Variants in SENP6 observed in about 807,000 individuals in gnomAD.
SENP6 encodes the protein sentrin-specific protease 6.
A neutral mutation model predicts 134.5 loss-of-function variants in SENP6; 41 were observed. The observed-to-expected ratio is 0.30, with a 90% CI of 0.24 to 0.40. SENP6 has a LOEUF of 0.40. SENP6 is among the 10% of genes least tolerant of loss of function. The pLI, the probability that SENP6 is intolerant of heterozygous loss-of-function variation, is 1.00. For missense variants in SENP6, 1,248 were observed against 1,312.5 expected (o/e 0.95, Z 0.76); for synonymous variants, 395 against 429.8 (o/e 0.92, Z 1.00).
At chr6:75,623,278 G>A (rs1768413270) in intron 2 of SENP6, among the ~76,000 whole-genome samples, 1 of 152,058 alleles carries the variant, frequency 6.6e-6, no homozygotes, top group South Asian at 2.1e-4. Flanking sequence ...GTACTATTTG[G>A]TTCATCATGA....
At chr6:75,687,937 TCAGA>T (rs1225308745) in intron 16 of SENP6, among the ~76,000 whole-genome samples, 3 of 150,168 alleles carry the variant, frequency 2.0e-5, no homozygotes, top group Admixed American at 6.6e-5. Context: ...TTCAGAGCTA[TCAGA>T]CAGGGATGTT....
At position 75,716,568 on chromosome 6, in the gene SENP6, A is replaced by G. The variant is rs1017553562; in HGVS notation, c.*974A>G. 2 of 151,958 alleles carry G rather than the reference A, an allele frequency of 1.3e-5. No homozygotes were observed. The highest frequency in any genetic ancestry group is 2.4e-5 in the African/African-American group (1 of 41,434). The allele number at this position is 151,958 out of a possible 1,614,324, so 9.4% of individuals were successfully genotyped here. A position where few individuals can be genotyped will look rare whatever the true frequency, so the allele number is the denominator to read the frequency against. On this transcript the variant is annotated 3_prime_UTR_variant, in exon 24 of 24. Transcript: ENST00000447266. The stretch of plus-strand genomic sequence containing the variant: ...TCAGTGTAAATTATTTTTTACATGT[A>G]AAAGTACTGTATTCAACCAGTTGCA...
At chr6:75,688,644 A>G (rs2149888893) in intron 16 of SENP6, among the ~76,000 whole-genome samples, 2 of 152,222 alleles carry the variant, frequency 1.3e-5, no homozygotes, top group East Asian at 3.9e-4. Context: ...AGCTGACCAG[A>G]CACAGTGGCT....
intron 1 of SENP6, chr6:75,620,587 T>C (rs1768196129): frequency 6.6e-6 from 1 of 152,122 alleles, no homozygotes; most frequent in South Asian, 2.1e-4. Context: ...CTTAATACCA[T>C]CTGTATCTTG....
intron 7 of SENP6, among the ~76,000 whole-genome samples, chr6:75,650,138 T>C (rs1182254769): frequency 6.6e-6 from 1 of 152,202 alleles, no homozygotes; most frequent in Non-Finnish European, 1.5e-5. Context: ...AATTTGGTGA[T>C]GATGATGTCT....
At chr6:75,712,374 T>G (rs1175017729) in intron 21 of SENP6, among the ~76,000 whole-genome samples, 2 of 152,124 alleles carry the variant, frequency 1.3e-5, no homozygotes, top group Non-Finnish European at 2.9e-5. Context: ...TTATAAAATT[T>G]TAGCAGGAAG....
chr6:75,711,985 A>G (rs1421653998), intron 21 of SENP6, among the ~76,000 whole-genome samples: 1 of 152,182 alleles, frequency 6.6e-6, no homozygotes, highest in Non-Finnish European at 1.5e-5. Flanking sequence ...AAGTTTTGAT[A>G]GTGAACCACT....
At chr6:75,636,126 G>C (rs190267092) in intron 5 of SENP6, among the ~76,000 whole-genome samples, 91 of 152,056 alleles carry the variant, frequency 6.0e-4, no homozygotes, top group African/African-American at 2.1e-3. Context: ...ATAACATTTT[G>C]CATGTGTATT....
chr6:75,699,921 G>GT (rs1373654579), intron 18 of SENP6, among the ~76,000 whole-genome samples: 4 of 151,982 alleles, frequency 2.6e-5, no homozygotes, highest in African/African-American at 7.2e-5. Flanking sequence ...GTTTTGTTTT[G>GT]TTTTTTAGAG....
In SENP6 at chr6:75,633,606, C is replaced by A; in HGVS notation, c.233C>A (p.Ala78Asp). The A allele has an allele frequency of 1.3e-6, 2 of 1,598,332 alleles. No individual in the cohort carries two copies. The highest frequency in any genetic ancestry group is 2.2e-5 in the East Asian group (1 of 44,496). The change falls in exon 4 of 24, where the codon GCT (alanine) becomes GAT (aspartate). Residue 78 changes from alanine to aspartate, a missense_variant. Transcript: ENST00000447266. ...KKLNRRSEIV[A>D]NSSGEFILKT... Reference sequence around the variant, plus strand: ...TTAAATCGTCGATCTGAAATTGTTGCTAATAGCTCTGGTGAATTCATCTTG... The same window carrying A: ...TTAAATCGTCGATCTGAAATTGTTGATAATAGCTCTGGTGAATTCATCTTG...
chr6:75,713,908 A>G, intron 23 of SENP6, 83 bp downstream of exon 23: 1 of 1,049,114 alleles, frequency 9.5e-7, no homozygotes, highest in Non-Finnish European at 1.3e-6. Context: ...CACAATAAGC[A>G]AATATTTTAA....
chr6:75,602,423 A>C lies in SENP6; in HGVS notation c.-102A>C, dbSNP rs1582630707. ...CTGACGGCTGAGCCCGAGGCCCGCA[A>C]CCCTGCGGCGTCTACCCTCCTCCGG... On this transcript the variant is annotated 5_prime_UTR_variant, in exon 1 of 24. Transcript: ENST00000447266. 3 of 1,373,432 alleles carry C rather than the reference A, an allele frequency of 2.2e-6. No individual in the cohort carries two copies. The highest frequency in any genetic ancestry group is 3.0e-6 in the Non-Finnish European group (3 of 996,234). 85.1% of individuals were successfully genotyped at this position (1,373,432 alleles called of 1,614,324 possible). A position where few individuals can be genotyped will look rare whatever the true frequency, so the allele number is the denominator to read the frequency against.
chr6:75,659,515 A>G, intron 8 of SENP6, 108 bp downstream of exon 8: 1 of 1,021,228 alleles, frequency 9.8e-7, no homozygotes, highest in Non-Finnish European at 1.4e-6. Flanking sequence ...ACCAGAAGAG[A>G]CTTGGAAAAC....
At position 75,705,924 on chromosome 6, in the gene SENP6, C is replaced by CTTTTTTTTTTTTTTT. The variant is rs1562073188; in HGVS notation, c.2716+2852_2716+2853insTTTTTTTTTTTTTTT. 6.4e-3 allele frequency among the ~76,000 whole-genome samples: 570 copies of CTTTTTTTTTTTTTTT among 89,270 alleles called. 176 individuals carry two copies. Among genetic ancestry groups the CTTTTTTTTTTTTTTT allele is most frequent in the Middle Eastern group, 0.029 (4 of 140 alleles). The allele number at this position is 89,270 out of a possible 152,430, so 58.6% of individuals were successfully genotyped here. ...AGTGAGTTAGAAAGCTATTTTTGAGCCTTTTTTTTTTTTTTTTTTTTTTTT... is the reference window on the plus strand; with the variant it reads ...AGTGAGTTAGAAAGCTATTTTTGAGCTTTTTTTTTTTTTTTCTTTTTTTTTTTTTTTTTTTTTTTT... On this transcript the variant is annotated intron_variant, in intron 19 of 23. Transcript: ENST00000447266.
Position 75,702,820 on chromosome 6 carries a change from C to G in SENP6, c.2464C>G (p.Pro822Ala), listed in dbSNP as rs758832200. 2 of 1,614,016 alleles carry G rather than the reference C, an allele frequency of 1.2e-6. No homozygotes were observed. The highest frequency in any genetic ancestry group is 1.7e-6 in the Non-Finnish European group (2 of 1,179,994). The change falls in exon 19 of 24, where the codon CCT becomes GCT. Residue 822 changes from proline to alanine, a missense_variant. By Grantham distance (27) the Pro-to-Ala change is conservative. This residue lies in a region of SENP6 where 386 missense variants were observed against 395.0 expected (regional missense o/e 0.98). Coordinates refer to ENST00000447266, the MANE Select transcript of SENP6 (RefSeq NM_015571.4). ...TTGTTCACAAAACTCTTCTGCCAAG[C>G]CTGTAATTAAGAAGATGCTAAACAA... ...ESCSQNSSAKPVIKKMLNKKH... is the reference protein window; with the variant it reads ...ESCSQNSSAKAVIKKMLNKKH...
chr6:75,675,932 G>A lies in SENP6; in HGVS notation c.1499G>A (p.Arg500Gln), dbSNP rs756490167. The A allele has an allele frequency of 1.5e-4, 241 of 1,612,262 alleles. No individual in the cohort carries two copies. Among genetic ancestry groups the A allele is most frequent in the Non-Finnish European group, 1.9e-4 (226 of 1,179,180 alleles). ...DLTKCEWCNV[R>Q]KLPVVFLQAI... The stretch of plus-strand genomic sequence containing the variant: ...ACTAAATGTGAATGGTGTAATGTCC[G>A]AAAATTACCTGTAGTGTTTCTTCAA... Residue 500 changes from arginine to glutamine, a missense_variant, in exon 13 of 24, where the codon CGA (arginine) becomes CAA (glutamine). Physicochemically the swap from Arg to Gln is conservative, Grantham distance 43 (BLOSUM62 1). Transcript: ENST00000447266.
intron 16 of SENP6, among the ~76,000 whole-genome samples, chr6:75,694,313 C>T (rs937743314): frequency 1.3e-5 from 2 of 152,182 alleles, no homozygotes; most frequent in Non-Finnish European, 1.5e-5. Context: ...TTGTTACCAC[C>T]TCACCACTGT....
At chr6:75,676,954 T>A in intron 13 of SENP6, 76 bp from the exon 14 acceptor site, 1 of 730,704 alleles carries the variant, frequency 1.4e-6, no homozygotes, top group Non-Finnish European at 2.2e-6. Flanking sequence ...TGGAAAGAAT[T>A]AATAATTACT....
chr6:75,643,430 G>A (rs1770183004), intron 6 of SENP6, among the ~76,000 whole-genome samples: 1 of 152,206 alleles, frequency 6.6e-6, no homozygotes. Context: ...AGGATTAAAA[G>A]CAGTAGACAG....
Sources: gnomAD v4.1 joint callset for allele counts (sites outside exome capture counted in the v4.1 genomes callset) on GRCh38, gnomAD v4.1.1 for gene constraint, gnomAD v4.1.1 regional missense constraint, MANE v1.5 for transcripts, NCBI Gene and HGNC (gene_info 2026-07-23, HGNC 2026-07-21) for gene names.